Variants in ATXN1 observed in about 807,000 individuals in gnomAD.
ATXN1 encodes the protein ataxin-1.
In ATXN1, 8 loss-of-function variants were observed where a neutral mutation model predicts 56.4. The ratio of observed to expected loss-of-function variants is 0.14; its 90% CI spans 0.08 to 0.26. The LOEUF is 0.26. Among genes scored for constraint, ATXN1 ranks in the 10% least tolerant of loss-of-function variants. The pLI, the probability that ATXN1 is intolerant of heterozygous loss-of-function variation, is 1.00. For missense variants in ATXN1, 987 were observed against 1,106.5 expected (o/e 0.89, Z 1.53); for synonymous variants, 514 against 494.6 (o/e 1.04, Z -0.52).
At position 16,487,650 on chromosome 6, in the gene ATXN1, T is replaced by C. The variant is rs149685663; in HGVS notation, c.-298-1541A>G. 3.3e-5 allele frequency among the ~76,000 whole-genome samples: 5 copies of C among 152,278 alleles called. No individual in the cohort carries two copies. The East Asian group carries it at 7.7e-4, about 23-fold the overall frequency. ...ACTGGGGAATACATGGTAAACAAAA[T>C]AGCCCAGGACCCTGCACCCAAGGAG... is the stretch of plus-strand genomic sequence containing the variant. On this transcript the variant is annotated intron_variant, in intron 5 of 7. Coordinates refer to ENST00000436367, the MANE Select transcript of ATXN1 (RefSeq NM_001128164.2).
intron 2 of ATXN1, among the ~76,000 whole-genome samples, chr6:16,722,997 C>T (rs1759776873): frequency 6.6e-6 from 1 of 152,222 alleles, no homozygotes; most frequent in Non-Finnish European, 1.5e-5. Flanking sequence ...TACCCAACAA[C>T]TCTGAATGTG....
chr6:16,429,574 C>T (rs1025754013), intron 6 of ATXN1, among the ~76,000 whole-genome samples: 10 of 151,896 alleles, frequency 6.6e-5, no homozygotes, highest in South Asian at 2.1e-4. Context: ...CCCACCACCA[C>T]GCCTGGCTAA....
Position 16,367,362 on chromosome 6 carries a change from T to TCACACA in ATXN1, c.-160-38898_-160-38893dup, listed in dbSNP as rs67144687. On this transcript the variant is annotated intron_variant, in intron 6 of 7. Coordinates refer to ENST00000436367, the MANE Select transcript of ATXN1 (RefSeq NM_001128164.2). Reference sequence around the variant, plus strand: ...CTCTCTCTCTCTCTCTCTCTCTCTCTCACACACACACACACACACACACAT... The same window carrying TCACACA: ...CTCTCTCTCTCTCTCTCTCTCTCTCTCACACACACACACACACACACACACACACAT... 4.9e-3 allele frequency among the ~76,000 whole-genome samples: 713 copies of TCACACA among 144,538 alleles called. 7 individuals are homozygous for TCACACA. The highest frequency in any genetic ancestry group is 0.017 in the African/African-American group (654 of 38,150). 94.8% of individuals were successfully genotyped at this position (144,538 alleles called of 152,430 possible).
intron 6 of ATXN1, among the ~76,000 whole-genome samples, chr6:16,435,653 G>C (rs1759373312): frequency 6.6e-6 from 1 of 152,024 alleles, no homozygotes; most frequent in Admixed American, 6.6e-5. Flanking sequence ...GACCAAGCAG[G>C]AGACAGGGGT....
chr6:16,471,207 C>CAT (rs1446910556), intron 6 of ATXN1, among the ~76,000 whole-genome samples: 139 of 152,090 alleles, frequency 9.1e-4, no homozygotes, highest in African/African-American at 3.3e-3. Flanking sequence ...CACACACACA[C>CAT]ACACACACAC....
intron 6 of ATXN1, among the ~76,000 whole-genome samples, chr6:16,411,904 T>C (rs1758807612): frequency 6.6e-6 from 1 of 152,254 alleles, no homozygotes; most frequent in Non-Finnish European, 1.5e-5. Flanking sequence ...ATGTATGTCT[T>C]ATCTCCCTTA....
chr6:16,453,336 C>T (rs1481232458), intron 6 of ATXN1, among the ~76,000 whole-genome samples: 1 of 152,116 alleles, frequency 6.6e-6, no homozygotes, highest in East Asian at 1.9e-4. Flanking sequence ...TGGCAGGTGC[C>T]TGTAGTCCCA....
intron 3 of ATXN1, among the ~76,000 whole-genome samples, chr6:16,604,666 G>A (rs924615131): frequency 1.4e-5 from 2 of 146,362 alleles, no homozygotes; most frequent in African/African-American, 5.1e-5. Context: ...GCTCACTGCA[G>A]CCTCAGCCTC....
At chr6:16,618,906 T>G (rs2113798786) in intron 3 of ATXN1, among the ~76,000 whole-genome samples, 1 of 152,272 alleles carries the variant, frequency 6.6e-6, no homozygotes, top group South Asian at 2.1e-4. Flanking sequence ...AAAGAGTTAA[T>G]ATCCTTAATA....
At chr6:16,558,957 T>C (rs1227867136) in intron 4 of ATXN1, among the ~76,000 whole-genome samples, 3 of 151,578 alleles carry the variant, frequency 2.0e-5, no homozygotes, top group African/African-American at 4.8e-5. Flanking sequence ...AAAAACGTAG[T>C]AGAAAAATGG....
At chr6:16,755,038 G>C (rs1190598719) in intron 1 of ATXN1, among the ~76,000 whole-genome samples, 2 of 152,196 alleles carry the variant, frequency 1.3e-5, no homozygotes, top group Non-Finnish European at 2.9e-5. Flanking sequence ...CACCAGTTGG[G>C]AGAGTGTTTG....
At chr6:16,560,525 C>A (rs926129694) in intron 4 of ATXN1, among the ~76,000 whole-genome samples, 1 of 152,136 alleles carries the variant, frequency 6.6e-6, no homozygotes, top group East Asian at 1.9e-4. Context: ...CTAAAGGGGG[C>A]AGGGGTGGAG....
chr6:16,540,148 T>G (rs1418157254), intron 4 of ATXN1, among the ~76,000 whole-genome samples: 1 of 152,178 alleles, frequency 6.6e-6, no homozygotes, highest in Non-Finnish European at 1.5e-5. Context: ...AATTTCACAG[T>G]GCATTGGTGA....
chr6:16,462,312 C>T (rs1760016148), intron 6 of ATXN1, among the ~76,000 whole-genome samples: 1 of 152,128 alleles, frequency 6.6e-6, no homozygotes, highest in Admixed American at 6.5e-5. Flanking sequence ...GCTCAGGAGT[C>T]CCAAGATCAG....
chr6:16,578,744 G>GA (rs11390101), intron 4 of ATXN1, among the ~76,000 whole-genome samples: 12,949 of 141,616 alleles, frequency 0.091, 1,677 homozygotes, highest in African/African-American at 0.29. Flanking sequence ...AGGAAAAAGA[G>GA]AAAAAAAAAA....
chr6:16,528,507 A>G (rs1394637842), intron 4 of ATXN1, among the ~76,000 whole-genome samples: 1 of 152,178 alleles, frequency 6.6e-6, no homozygotes, highest in African/African-American at 2.4e-5. Context: ...TGCTGATACT[A>G]CATGTTCCAC....
chr6:16,608,018 T>C (rs144702458), intron 3 of ATXN1, among the ~76,000 whole-genome samples: 1 of 152,274 alleles, frequency 6.6e-6, no homozygotes, highest in East Asian at 1.9e-4. Flanking sequence ...AAGTCTGCAG[T>C]GTCTGTTTTA....
chr6:16,315,339 G>A (rs1581683814), intron 7 of ATXN1, among the ~76,000 whole-genome samples: 1 of 152,040 alleles, frequency 6.6e-6, no homozygotes, highest in South Asian at 2.1e-4. Flanking sequence ...AAACTGTATG[G>A]GTTCCTTTTC....
chr6:16,509,691 T>C (rs1030615818), intron 5 of ATXN1, among the ~76,000 whole-genome samples: 2 of 152,186 alleles, frequency 1.3e-5, no homozygotes, highest in African/African-American at 2.4e-5. Flanking sequence ...ATCCTACATA[T>C]ACATGCCAGA....
Sources: gnomAD v4.1 joint callset for allele counts (sites outside exome capture counted in the v4.1 genomes callset) on GRCh38, gnomAD v4.1.1 for gene constraint, MANE v1.5 for transcripts, NCBI Gene and HGNC (gene_info 2026-07-23, HGNC 2026-07-21) for gene names.